Variants in RCSD1 observed in about 807,000 individuals in gnomAD.
RCSD1 encodes capZ-interacting protein.
A neutral mutation model predicts 42.5 loss-of-function variants in RCSD1; 26 were observed. The observed-to-expected ratio is 0.61, with a 90% CI of 0.45 to 0.85. The LOEUF is 0.85. Ranked by LOEUF, RCSD1 falls within the 40% of genes least tolerant of loss-of-function variation. The probability of loss-of-function intolerance (pLI) is 0.00; values close to 1 mark genes in which losing one functional copy is unlikely to be tolerated. For synonymous variants in RCSD1, 220 were observed against 212.2 expected, an observed-to-expected ratio of 1.04 and a Z score of -0.32; for missense variants, 571 against 528.3, an observed-to-expected ratio of 1.08 and a Z score of -0.79.
chr1:167,657,458 T>G (rs1408427084), intron 1 of RCSD1, among the ~76,000 whole-genome samples: 6 of 152,222 alleles, frequency 3.9e-5, no homozygotes, highest in African/African-American at 1.4e-4. Context: ...GGGACAGCAT[T>G]TTTAAAAATA....
chr1:167,683,444 T>C (rs756773758), intron 1 of RCSD1, among the ~76,000 whole-genome samples: 2 of 152,208 alleles, frequency 1.3e-5, no homozygotes, highest in Non-Finnish European at 2.9e-5. Context: ...CACAAATATT[T>C]ACTGAGCGCT....
intron 2 of RCSD1, 90 bp downstream of exon 2, chr1:167,684,091 G>C: frequency 5.7e-6 from 6 of 1,043,530 alleles, no homozygotes; most frequent in East Asian, 2.4e-5. Flanking sequence ...GAGGGAGGAG[G>C]CTTGGTAGTT....
rs1659516706 is a variant in RCSD1 at position 167,697,181 on chromosome 1, A to C, written c.557A>C (p.Asp186Ala). The change falls in exon 6 of 7, where the codon GAT becomes GCT. Residue 186 changes from aspartate (D) to alanine (A), a missense_variant. By Grantham distance (126) the Asp-to-Ala change is moderately radical. Coordinates refer to ENST00000367854, the MANE Select transcript of RCSD1 (RefSeq NM_052862.4). ...RSQSDCGELG[D>A]FRAVESSQQN... is the part of the protein sequence containing the mutation. The stretch of plus-strand genomic sequence containing the variant: ...CAGTCAGACTGTGGAGAACTTGGAG[A>C]TTTCAGGGCGGTGGAGTCATCTCAG... The C allele has an allele frequency of 1.2e-6, 2 of 1,613,970 alleles. No individual in the cohort carries two copies. Among genetic ancestry groups the C allele is most frequent in the Non-Finnish European group, 1.7e-6 (2 of 1,180,024 alleles).
chr1:167,697,768 A>G lies in RCSD1; in HGVS notation c.1144A>G (p.Ser382Gly). Residue 382 changes from serine to glycine, a missense_variant, in exon 6 of 7, where the codon AGC (serine) becomes GGC (glycine). Transcript: ENST00000367854. ...QEGAVLEPGC[S>G]PQTGPAQLET... ...GGGGGCAGTGCTCGAGCCAGGCTGC[A>G]GCCCCCAGACCGGCCCTGCCCAGCT... is the stretch of plus-strand genomic sequence containing the variant. 1 of 1,519,330 alleles carries G rather than the reference A, an allele frequency of 6.6e-7. No individual in the cohort carries two copies. 94.1% of individuals were successfully genotyped at this position (1,519,330 alleles called of 1,614,324 possible). A position where few individuals can be genotyped will look rare whatever the true frequency, so the allele number is the denominator to read the frequency against.
In RCSD1 at chr1:167,704,712, G is replaced by C. The variant is rs755791127; in HGVS notation, c.*16G>C. 6.2e-7 allele frequency: 1 copy of C among 1,611,676 alleles called. No individual in the cohort carries two copies. Among genetic ancestry groups the C allele is most frequent in the African/African-American group, 1.3e-5 (1 of 75,008 alleles). On this transcript the variant is annotated 3_prime_UTR_variant, in exon 7 of 7. Transcript: ENST00000367854. ...TAAAATGTGAAGAACAGCTCATTGT[G>C]CCCCAGTGATGAAGTTGCTGGACAC...
chr1:167,661,155 C>G lies in RCSD1; in HGVS notation c.7-22745C>G, dbSNP rs186342899. ...TTTAAATAAACATTGGTTTATAAGGCACTTACCATACACATTGTGACTTAT... is the reference window on the plus strand; with the variant it reads ...TTTAAATAAACATTGGTTTATAAGGGACTTACCATACACATTGTGACTTAT... On this transcript the variant is annotated intron_variant, in intron 1 of 6. Transcript: ENST00000367854. 1.5e-3 allele frequency among the ~76,000 whole-genome samples: 226 copies of G among 152,326 alleles called. 1 individual carries two copies. The highest frequency in any genetic ancestry group is 3.3e-3 in the Admixed American group (50 of 15,300).
At chr1:167,684,030 T>C in intron 2 of RCSD1, 29 bp downstream of exon 2, 2 of 1,562,122 alleles carry the variant, frequency 1.3e-6, no homozygotes, top group Non-Finnish European at 8.8e-7. Flanking sequence ...GAGCAGCCTC[T>C]TCAGCAGCGG....
intron 1 of RCSD1, among the ~76,000 whole-genome samples, chr1:167,677,527 T>C (rs907667419): frequency 1.1e-4 from 16 of 152,232 alleles, no homozygotes; most frequent in African/African-American, 3.6e-4. Flanking sequence ...AGGATGAATA[T>C]TGGGGAAACA....
At chr1:167,652,286 T>A (rs1658331592) in intron 1 of RCSD1, among the ~76,000 whole-genome samples, 1 of 152,120 alleles carries the variant, frequency 6.6e-6, no homozygotes, top group African/African-American at 2.4e-5. Context: ...CCTCCCAAAG[T>A]GCTGGGATTA....
rs747977670 is a variant in RCSD1 at position 167,690,079 on chromosome 1, A to G, written c.229A>G (p.Lys77Glu). The G allele has an allele frequency of 3.1e-6, 5 of 1,614,126 alleles. No individual in the cohort carries two copies. The highest frequency in any genetic ancestry group is 3.4e-6 in the Non-Finnish European group (4 of 1,180,008). ...KSPPNASHPP[K>E]FKVKSSPLIE... ...ACCACCCAATGCGAGCCACCCTCCT[A>G]AATTCAAGGTCAAGAGCTCGCCTCT... is the stretch of plus-strand genomic sequence containing the variant. Residue 77 changes from lysine to glutamate, a missense_variant, in exon 4 of 7, where the codon AAA becomes GAA. By Grantham distance (56) the Lys-to-Glu change is moderately conservative (BLOSUM62 1). Transcript: ENST00000367854.
At chr1:167,643,876 C>A (rs558675518) in intron 1 of RCSD1, among the ~76,000 whole-genome samples, 1 of 152,150 alleles carries the variant, frequency 6.6e-6, no homozygotes. Flanking sequence ...AAGAGAACAG[C>A]CTCCTGCGCT....
Position 167,690,092 on chromosome 1 carries a change from A to G in RCSD1, c.242A>G (p.Lys81Arg), listed in dbSNP as rs1659340227. The G allele has an allele frequency of 3.7e-6, 6 of 1,614,164 alleles. No homozygotes were observed. The highest frequency in any genetic ancestry group is 5.1e-6 in the Non-Finnish European group (6 of 1,180,018). ...NASHPPKFKVKSSPLIEKLQA... is the reference protein window; with the variant it reads ...NASHPPKFKVRSSPLIEKLQA... ...AGCCACCCTCCTAAATTCAAGGTCAAGAGCTCGCCTCTGATTGAGAAGCTT... is the reference window on the plus strand; with the variant it reads ...AGCCACCCTCCTAAATTCAAGGTCAGGAGCTCGCCTCTGATTGAGAAGCTT... Residue 81 changes from lysine (K) to arginine (R), a missense_variant, in exon 4 of 7, where the codon AAG (lysine) becomes AGG (arginine). Transcript: ENST00000367854.
At chr1:167,704,576 G>T in intron 6 of RCSD1, 88 bp from the exon 7 acceptor site, 2 of 1,111,182 alleles carry the variant, frequency 1.8e-6, no homozygotes, top group Non-Finnish European at 1.4e-6. Context: ...TACTATTATT[G>T]CCAGATCCAT....
intron 1 of RCSD1, among the ~76,000 whole-genome samples, chr1:167,649,526 G>C (rs1392437516): frequency 6.6e-6 from 1 of 152,202 alleles, no homozygotes; most frequent in Non-Finnish European, 1.5e-5. Flanking sequence ...TTTATTCCCA[G>C]AGTGATGGGG....
Position 167,694,132 on chromosome 1 carries a change from C to A in RCSD1, c.304C>A (p.Pro102Thr). 13 of 1,614,208 alleles carry A rather than the reference C, an allele frequency of 8.1e-6. No individual in the cohort carries two copies. The highest frequency in any genetic ancestry group is 1.1e-5 in the Non-Finnish European group (13 of 1,180,032). ...NLTFDPAALLPGASPKSPGLK... is the reference protein window; with the variant it reads ...NLTFDPAALLTGASPKSPGLK... Reference sequence around the variant, plus strand: ...AACCTTTGACCCAGCTGCTCTACTGCCTGGGGCCTCACCCAAGAGTCCTGG... The same window carrying A: ...AACCTTTGACCCAGCTGCTCTACTGACTGGGGCCTCACCCAAGAGTCCTGG... Residue 102 changes from proline (P) to threonine (T), a missense_variant, in exon 5 of 7, where the codon CCT (proline) becomes ACT (threonine). Pro to Thr is a conservative substitution (Grantham distance 38, BLOSUM62 -1). Transcript: ENST00000367854.
intron 1 of RCSD1, among the ~76,000 whole-genome samples, chr1:167,636,554 G>A (rs1657856814): frequency 6.6e-6 from 1 of 151,972 alleles, no homozygotes; most frequent in African/African-American, 2.4e-5. Context: ...AATGATTCAC[G>A]GCATGCCATG....
intron 1 of RCSD1, among the ~76,000 whole-genome samples, chr1:167,674,044 G>A (rs74120624): frequency 8.5e-5 from 13 of 152,302 alleles, no homozygotes; most frequent in Admixed American, 5.9e-4. Flanking sequence ...CTTTCAACTA[G>A]AGTAGAAGCT....
intron 1 of RCSD1, among the ~76,000 whole-genome samples, chr1:167,651,015 C>T (rs1658288975): frequency 6.6e-6 from 1 of 152,202 alleles, no homozygotes; most frequent in Admixed American, 6.5e-5. Context: ...CTCTCTCCAT[C>T]TTCTCCCTGT....
chr1:167,652,401 A>G (rs1246818190), intron 1 of RCSD1, among the ~76,000 whole-genome samples: 9 of 152,062 alleles, frequency 5.9e-5, no homozygotes. Context: ...TTTAAAAGGA[A>G]CTGGGCCCTT....
Sources: allele counts gnomAD v4.1 joint callset (sites outside exome capture counted in the v4.1 genomes callset), GRCh38; gene constraint gnomAD v4.1.1; transcripts MANE v1.5; gene names NCBI Gene and HGNC (gene_info 2026-07-23, HGNC 2026-07-21).